Variants in RAP1A observed in about 807,000 individuals in gnomAD.
The protein encoded by RAP1A is ras-related protein Rap-1A.
A neutral mutation model predicts 26.4 loss-of-function variants in RAP1A; 6 were observed. That is an observed-to-expected ratio of 0.23 (90% CI 0.12 to 0.45). RAP1A has a LOEUF of 0.45. Among genes scored for constraint, RAP1A ranks in the 20% least tolerant of loss-of-function variants. The pLI is 0.99. For synonymous variants in RAP1A, 73 were observed against 79.4 expected (o/e 0.92, Z 0.43); for missense variants, 121 against 217.2 (o/e 0.56, Z 2.78).
chr1:111,595,206 CT>C (rs1658544376), intron 1 of RAP1A, among the ~76,000 whole-genome samples: 1 of 152,106 alleles, frequency 6.6e-6, no homozygotes, highest in African/African-American at 2.4e-5. Context: ...AAATTTAGAG[CT>C]TTTTGAATCA....
intron 1 of RAP1A, among the ~76,000 whole-genome samples, chr1:111,587,716 A>G (rs1658402822): frequency 6.6e-6 from 1 of 152,116 alleles, no homozygotes; most frequent in South Asian, 2.1e-4. Context: ...CCATTCACTT[A>G]CAAATCTAGT....
At chr1:111,594,091 GC>G (rs1317707872) in intron 1 of RAP1A, among the ~76,000 whole-genome samples, 2 of 152,182 alleles carry the variant, frequency 1.3e-5, no homozygotes, top group Non-Finnish European at 2.9e-5. Context: ...TGCAGTGGGG[GC>G]TGGTGTCAGC....
At chr1:111,598,580 G>T (rs1658603210) in intron 1 of RAP1A, among the ~76,000 whole-genome samples, 1 of 152,064 alleles carries the variant, frequency 6.6e-6, no homozygotes, top group South Asian at 2.1e-4. Flanking sequence ...AGTAAACACA[G>T]TGTGAAAGTA....
chr1:111,703,604 C>A, intron 5 of RAP1A, 128 bp downstream of exon 5: 2 of 890,316 alleles, frequency 2.2e-6, no homozygotes, highest in Non-Finnish European at 3.1e-6. Flanking sequence ...CCCCTGTGAC[C>A]AAAAGAAAAA....
intron 1 of RAP1A, among the ~76,000 whole-genome samples, chr1:111,620,170 G>C (rs1659145649): frequency 2.0e-5 from 3 of 152,160 alleles, no homozygotes; most frequent in Admixed American, 6.5e-5. Flanking sequence ...GGACCGACCC[G>C]GTCGACTGTA....
intron 1 of RAP1A, among the ~76,000 whole-genome samples, chr1:111,600,939 C>T (rs17028083): frequency 3.7e-3 from 570 of 152,198 alleles, no homozygotes; most frequent in South Asian, 0.019. Flanking sequence ...TGCATGTGAG[C>T]GGAGTGAGTA....
chr1:111,685,434 AGAAAC>A (rs1168945607), intron 1 of RAP1A, among the ~76,000 whole-genome samples: 2 of 123,448 alleles, frequency 1.6e-5, no homozygotes, highest in African/African-American at 3.7e-5. Flanking sequence ...TACAAAAAAA[AGAAAC>A]AACCTCATCA....
intron 1 of RAP1A, among the ~76,000 whole-genome samples, chr1:111,613,152 G>GT (rs149014253): frequency 0.034 from 4,812 of 142,690 alleles, 171 homozygotes; most frequent in African/African-American, 0.096. Context: ...AAAACGTAGG[G>GT]TTTTTTTTTT....
At chr1:111,557,457 G>A (rs1359109166) in intron 1 of RAP1A, among the ~76,000 whole-genome samples, 2 of 151,944 alleles carry the variant, frequency 1.3e-5, no homozygotes, top group African/African-American at 2.4e-5. Context: ...GGCTGAAGCA[G>A]GAGAATCGCT....
At chr1:111,694,221 C>T (rs1661762744) in intron 2 of RAP1A, among the ~76,000 whole-genome samples, 1 of 152,070 alleles carries the variant, frequency 6.6e-6, no homozygotes, top group Non-Finnish European at 1.5e-5. Flanking sequence ...ATGTGTCGTA[C>T]TTAGAAGATG....
At chr1:111,689,921 C>T (rs1262601750) in intron 1 of RAP1A, among the ~76,000 whole-genome samples, 1 of 152,206 alleles carries the variant, frequency 6.6e-6, no homozygotes, top group East Asian at 1.9e-4. Flanking sequence ...CGTGATCCAC[C>T]CGCCTCGACC....
chr1:111,596,599 A>G (rs757503015), intron 1 of RAP1A, among the ~76,000 whole-genome samples: 1 of 152,244 alleles, frequency 6.6e-6, no homozygotes, highest in Non-Finnish European at 1.5e-5. Context: ...ACAGAATGCC[A>G]TAGAGTGGGT....
chr1:111,615,402 G>A (rs540972999), upstream of RAP1A, among the ~76,000 whole-genome samples: 7 of 152,020 alleles, frequency 4.6e-5, no homozygotes, highest in South Asian at 2.1e-4. Flanking sequence ...ACCTAGGGTC[G>A]TGGCAATAGA....
intron 5 of RAP1A, 67 bp from the exon 6 acceptor site, chr1:111,704,272 CTTAT>C: frequency 2.0e-6 from 3 of 1,482,050 alleles, no homozygotes; most frequent in Admixed American, 1.9e-5. Flanking sequence ...CAGATAATTG[CTTAT>C]TTATTTTTTT....
intron 1 of RAP1A, among the ~76,000 whole-genome samples, chr1:111,589,993 C>T (rs1658439528): frequency 6.6e-6 from 1 of 152,170 alleles, no homozygotes; most frequent in Non-Finnish European, 1.5e-5. Context: ...TGGTCATGAA[C>T]TCCTGGGCTC....
At chr1:111,590,925 C>T (rs1318052443) in intron 1 of RAP1A, among the ~76,000 whole-genome samples, 4 of 152,122 alleles carry the variant, frequency 2.6e-5, no homozygotes, top group African/African-American at 9.7e-5. Context: ...TCAGTTCTTC[C>T]TTTTCTATTA....
At chr1:111,626,815 A>T (rs1436445372) in intron 1 of RAP1A, among the ~76,000 whole-genome samples, 1 of 152,206 alleles carries the variant, frequency 6.6e-6, no homozygotes, top group Non-Finnish European at 1.5e-5. Flanking sequence ...AAAATAGTCC[A>T]TTTAACTGTG....
chr1:111,672,335 T>C (rs1660999890), intron 1 of RAP1A, among the ~76,000 whole-genome samples: 2 of 152,246 alleles, frequency 1.3e-5, no homozygotes, highest in African/African-American at 4.8e-5. Flanking sequence ...TTCCATTTAT[T>C]TTCAGTTTGT....
intron 2 of RAP1A, among the ~76,000 whole-genome samples, chr1:111,694,186 G>A (rs761885910): frequency 7.9e-5 from 12 of 152,110 alleles, no homozygotes; most frequent in Admixed American, 2.0e-4. Context: ...TGCATCCAGC[G>A]TAGACTGCTT....
Sources: gnomAD v4.1 joint callset for allele counts (sites outside exome capture counted in the v4.1 genomes callset) on GRCh38, gnomAD v4.1.1 for gene constraint, MANE v1.5 for transcripts, NCBI Gene and HGNC (gene_info 2026-07-23, HGNC 2026-07-21) for gene names.